The following CNTN4 variants were observed in gnomAD, a reference collection of about 807,000 sequenced individuals.
CNTN4 encodes contactin 4.
Under a neutral mutation model 122.5 loss-of-function variants are expected in CNTN4, and 77 were observed. The ratio of observed to expected loss-of-function variants is 0.63; its 90% confidence interval spans 0.52 to 0.76. The LOEUF (loss-of-function observed/expected upper bound fraction) is 0.76, where lower values mean the gene tolerates loss of function less well. Among genes scored for constraint, CNTN4 ranks in the 30% least tolerant of loss-of-function variants. The pLI is 0.00. For synonymous variants in CNTN4, 512 were observed against 447.0 expected (o/e 1.15, Z -1.83); for missense variants, 1,256 against 1,259.1 (o/e 1.00, Z 0.04).
intron 3 of CNTN4, among the ~76,000 whole-genome samples, chr3:2,463,695 G>T (rs533442652): frequency 6.6e-6 from 1 of 152,214 alleles, no homozygotes; most frequent in Admixed American, 6.5e-5. Flanking sequence ...GGGGATGAAG[G>T]TTGCAGTGAG....
Position 2,614,491 on chromosome 3 carries a change from G to A in CNTN4, c.55+42933G>A, listed in dbSNP as rs116114525. Among the ~76,000 whole-genome samples, 1,489 of 152,266 alleles carry A rather than the reference G, an allele frequency of 9.8e-3. 26 individuals are homozygous for A. Among genetic ancestry groups the A allele is most frequent in the African/African-American group, 0.034 (1,418 of 41,556 alleles). ...ACAATTGAAGTACAATTAGGCTGTT[G>A]TCCAGGTGAGAGGTGACGGTGGGGA... On this transcript the variant is annotated intron_variant, in intron 4 of 24. Transcript: ENST00000418658.
chr3:2,683,816 C>T (rs566767312), intron 4 of CNTN4, among the ~76,000 whole-genome samples: 2 of 152,244 alleles, frequency 1.3e-5, no homozygotes, highest in African/African-American at 4.8e-5. Context: ...CTTAAAACGT[C>T]CTTTTATCAC....
At chr3:2,626,783 A>T (rs2082206958) in intron 4 of CNTN4, among the ~76,000 whole-genome samples, 7 of 152,142 alleles carry the variant, frequency 4.6e-5, no homozygotes, top group Admixed American at 4.6e-4. Context: ...TAACTTCATG[A>T]GTCTGTTTTC....
intron 3 of CNTN4, among the ~76,000 whole-genome samples, chr3:2,360,159 C>T (rs2045063357): frequency 1.3e-5 from 2 of 152,086 alleles, no homozygotes; most frequent in African/African-American, 4.8e-5. Flanking sequence ...GAAAATGTCA[C>T]AGGAGAGGTG....
intron 2 of CNTN4, among the ~76,000 whole-genome samples, chr3:2,129,545 A>G (rs889075526): frequency 1.3e-5 from 2 of 152,072 alleles, no homozygotes; most frequent in African/African-American, 4.8e-5. Context: ...AACTTCTTCT[A>G]ACAGGCCTTA....
At chr3:2,629,646 G>C in intron 4 of CNTN4, 1 of 404,828 alleles carries the variant, frequency 2.5e-6, no homozygotes, top group Non-Finnish European at 4.9e-6. Context: ...GTTTTCCACA[G>C]TTCATGGTTC....
chr3:2,420,348 G>C (rs150622071), intron 3 of CNTN4, among the ~76,000 whole-genome samples: 1 of 152,242 alleles, frequency 6.6e-6, no homozygotes, highest in East Asian at 1.9e-4. Context: ...CACCTCTCTG[G>C]TGGGATAACT....
intron 8 of CNTN4, among the ~76,000 whole-genome samples, chr3:2,873,560 G>T (rs2093810177): frequency 6.6e-6 from 1 of 152,194 alleles, no homozygotes. Flanking sequence ...AAAAGATTCT[G>T]AAATATTCTT....
At chr3:3,051,080 C>T (rs1701219635) in intron 23 of CNTN4, among the ~76,000 whole-genome samples, 1 of 152,122 alleles carries the variant, frequency 6.6e-6, no homozygotes. Flanking sequence ...AGTTCATCAG[C>T]TATCATTAGT....
chr3:2,932,551 C>T (rs1239120962), intron 13 of CNTN4, among the ~76,000 whole-genome samples: 1 of 152,108 alleles, frequency 6.6e-6, no homozygotes, highest in African/African-American at 2.4e-5. Context: ...ACCTCCATTC[C>T]TTGGCTCGTG....
intron 5 of CNTN4, among the ~76,000 whole-genome samples, chr3:2,743,239 G>A (rs1456472785): frequency 6.6e-6 from 1 of 152,068 alleles, no homozygotes; most frequent in Non-Finnish European, 1.5e-5. Context: ...TGAAGTAAGA[G>A]TTATGGTCAA....
intron 6 of CNTN4, among the ~76,000 whole-genome samples, chr3:2,781,966 C>G (rs11706473): frequency 0.076 from 11,321 of 149,682 alleles, 535 homozygotes; most frequent in Non-Finnish European, 0.1. Context: ...CTCGTGATCC[C>G]CCCGCCTCGG....
Position 2,311,642 on chromosome 3 carries a change from G to A in CNTN4, c.-144-27536G>A, listed in dbSNP as rs901301456. 2.4e-4 allele frequency among the ~76,000 whole-genome samples: 37 copies of A among 152,042 alleles called. 1 individual carries two copies. The highest frequency in any genetic ancestry group is 8.2e-4 in the African/African-American group (34 of 41,412). ...CTCAGCAGGAATAGCATTTTAATAG[G>A]TTTCTTCACTGATCCGGCATGCTAA... is the stretch of plus-strand genomic sequence containing the variant. On this transcript the variant is annotated intron_variant, in intron 2 of 24. Coordinates refer to ENST00000418658, the MANE Select transcript of CNTN4 (RefSeq NM_175607.3).
chr3:2,338,352 A>G (rs1260849340), intron 2 of CNTN4, among the ~76,000 whole-genome samples: 2 of 152,036 alleles, frequency 1.3e-5, no homozygotes, highest in Admixed American at 1.3e-4. Context: ...AAACTATAAC[A>G]TTTTTATCCA....
At chr3:2,488,783 A>C (rs1267455224) in intron 3 of CNTN4, among the ~76,000 whole-genome samples, 1 of 152,214 alleles carries the variant, frequency 6.6e-6, no homozygotes, top group East Asian at 1.9e-4. Flanking sequence ...GTGTAGTAGC[A>C]TTCAACGGAA....
intron 3 of CNTN4, among the ~76,000 whole-genome samples, chr3:2,544,478 C>CA (rs1325752915): frequency 6.6e-6 from 1 of 151,890 alleles, no homozygotes. Flanking sequence ...TGATGGGATA[C>CA]AAAAAATGTG....
intron 6 of CNTN4, among the ~76,000 whole-genome samples, chr3:2,777,093 G>C (rs1309742499): frequency 6.6e-6 from 1 of 152,078 alleles, no homozygotes; most frequent in Non-Finnish European, 1.5e-5. Context: ...CAATTCTCCT[G>C]CCTTAGCCTC....
At chr3:2,540,297 C>T (rs950128926) in intron 3 of CNTN4, among the ~76,000 whole-genome samples, 3 of 151,874 alleles carry the variant, frequency 2.0e-5, no homozygotes, top group South Asian at 2.1e-4. Context: ...GGTTTGGTTA[C>T]GTGGGATTGC....
At chr3:2,589,719 C>A (rs1039059617) in intron 4 of CNTN4, among the ~76,000 whole-genome samples, 3 of 152,172 alleles carry the variant, frequency 2.0e-5, no homozygotes, top group Admixed American at 6.5e-5. Context: ...GGTTTGACTG[C>A]GGCTAGAGCA....
Sources: gnomAD v4.1 joint callset for allele counts (sites outside exome capture counted in the v4.1 genomes callset) on GRCh38, gnomAD v4.1.1 for gene constraint, MANE v1.5 for transcripts, NCBI Gene and HGNC (gene_info 2026-07-23, HGNC 2026-07-21) for gene names.